Variants in GP9 observed in about 807,000 individuals in gnomAD.
The protein encoded by GP9 is glycoprotein IX platelet.
For synonymous variants in GP9, 116 were observed against 116.7 expected (o/e 0.99, Z 0.04); for missense variants, 228 against 241.8 (o/e 0.94, Z 0.38).
chr3:129,055,356 T>C, the GP9 span, among the ~76,000 whole-genome samples: 1 of 152,238 alleles, frequency 6.6e-6, no homozygotes, highest in Non-Finnish European at 1.5e-5. Context: ...TCGAATTTAA[T>C]TGAGAAACCA....
upstream of GP9, among the ~76,000 whole-genome samples, chr3:129,056,848 G>A (rs867677362): frequency 6.6e-6 from 1 of 152,202 alleles, no homozygotes; most frequent in East Asian, 1.9e-4. Flanking sequence ...TGGGGAGTGA[G>A]GGACATGGCT....
At chr3:129,055,494 G>A in the GP9 span, among the ~76,000 whole-genome samples, 1 of 152,200 alleles carries the variant, frequency 6.6e-6, no homozygotes, top group Admixed American at 6.5e-5. Flanking sequence ...GAGGCAGGTC[G>A]AAGTCCCATG....
chr3:129,055,925 G>T (rs1295953977), upstream of GP9, among the ~76,000 whole-genome samples: 1 of 152,108 alleles, frequency 6.6e-6, no homozygotes, highest in Admixed American at 6.5e-5. Flanking sequence ...GATTACAGGC[G>T]TGAGCCATCA....
Position 129,061,983 on chromosome 3 carries a change from G to A in GP9, c.244G>A (p.Val82Met). 1 of 1,613,852 alleles carries A rather than the reference G, an allele frequency of 6.2e-7. No individual in the cohort carries two copies. Among genetic ancestry groups the A allele is most frequent in the Middle Eastern group, 1.6e-4 (1 of 6,062 alleles). Reference protein sequence around the residue: ...DHLPQLQTLDVTQNPWHCDCS... With the variant: ...DHLPQLQTLDMTQNPWHCDCS... Reference sequence around the variant, plus strand: ...CCTGCCCCAGCTGCAGACCCTCGATGTGACGCAGAACCCCTGGCACTGTGA... The same window carrying A: ...CCTGCCCCAGCTGCAGACCCTCGATATGACGCAGAACCCCTGGCACTGTGA... The change falls in exon 3 of 3, where the codon GTG becomes ATG. Residue 82 changes from valine (V) to methionine (M), a missense_variant. Val to Met is a conservative substitution (Grantham distance 21, BLOSUM62 1). Coordinates refer to ENST00000307395, the MANE Select transcript of GP9 (RefSeq NM_000174.5).
In GP9 at chr3:129,062,202, G is replaced by C; in HGVS notation, c.463G>C (p.Val155Leu). Residue 155 changes from valine to leucine, a missense_variant, in exon 3 of 3, where the codon GTC becomes CTC. Transcript: ENST00000307395. The stretch of plus-strand genomic sequence containing the variant: ...GGGGGTCTTGTGGGACGTGGCGCTG[G>C]TCGCCGTGGCCGCGCTGGGCCTGGC... ...RPGVLWDVAL[V>L]AVAALGLALL... 1 of 1,568,792 alleles carries C rather than the reference G, an allele frequency of 6.4e-7. No homozygotes were observed. The highest frequency in any genetic ancestry group is 1.2e-5 in the South Asian group (1 of 86,468).
chr3:129,059,732 C>A (rs546069424), upstream of GP9, among the ~76,000 whole-genome samples: 18 of 152,148 alleles, frequency 1.2e-4, no homozygotes, highest in Non-Finnish European at 1.9e-4. Flanking sequence ...AGAGAACAGG[C>A]GGCCTCCCAA....
At chr3:129,056,768 C>T (rs1041106325), upstream of GP9, among the ~76,000 whole-genome samples, 1 of 152,092 alleles carries the variant, frequency 6.6e-6, no homozygotes, top group Non-Finnish European at 1.5e-5. Flanking sequence ...GCATGCCAGG[C>T]AAAATTCCAC....
upstream of GP9, among the ~76,000 whole-genome samples, chr3:129,055,780 G>T (rs773537399): frequency 6.6e-6 from 1 of 152,092 alleles, no homozygotes; most frequent in Non-Finnish European, 1.5e-5. Flanking sequence ...GAGTAGCTGG[G>T]ATTACAGGCG....
chr3:129,062,152 A>G lies in GP9; in HGVS notation c.413A>G (p.Gln138Arg), dbSNP rs1576798923. 6.3e-7 allele frequency: 1 copy of G among 1,584,794 alleles called. No homozygotes were observed. Among genetic ancestry groups the G allele is most frequent in the East Asian group, 2.3e-5 (1 of 43,420 alleles). The change falls in exon 3 of 3, where the codon CAG (glutamine) becomes CGG (arginine). Residue 138 changes from glutamine (Q) to arginine (R), a missense_variant. Coordinates refer to ENST00000307395, the MANE Select transcript of GP9 (RefSeq NM_000174.5). The part of the protein sequence containing the change: ...TGYQLGSCGW[Q>R]LQASWVRPGV... ...TACCAGCTGGGCAGCTGTGGCTGGC[A>G]GCTGCAGGCGTCCTGGGTGCGCCCG...
At chr3:129,057,438 G>T (rs1946530964), upstream of GP9, among the ~76,000 whole-genome samples, 1 of 152,180 alleles carries the variant, frequency 6.6e-6, no homozygotes, top group Non-Finnish European at 1.5e-5. Flanking sequence ...GAAAGTGCTG[G>T]AGTGTTTGAG....
At chr3:129,058,599 C>T (rs1946542026), upstream of GP9, among the ~76,000 whole-genome samples, 1 of 152,214 alleles carries the variant, frequency 6.6e-6, no homozygotes. Flanking sequence ...AATGCCATGG[C>T]AGCACGCCAT....
Position 129,062,059 on chromosome 3 carries a change from C to T in GP9, c.320C>T (p.Ala107Val). ...TGGCTGGAGGACCGCACGCCCGAGG[C>T]CCTGCTGCAGGTCCGCTGTGCCAGC... is the stretch of plus-strand genomic sequence containing the variant. ...RLWLEDRTPEALLQVRCASPS... is the reference protein window; with the variant it reads ...RLWLEDRTPEVLLQVRCASPS... The change falls in exon 3 of 3, where the codon GCC becomes GTC. Residue 107 changes from alanine to valine, a missense_variant. By Grantham distance (64) the Ala-to-Val change is moderately conservative. Coordinates refer to ENST00000307395, the MANE Select transcript of GP9 (RefSeq NM_000174.5). 1 of 1,612,330 alleles carries T rather than the reference C, an allele frequency of 6.2e-7. No individual in the cohort carries two copies.
chr3:129,058,025 G>A (rs1356478564), upstream of GP9, among the ~76,000 whole-genome samples: 1 of 152,000 alleles, frequency 6.6e-6, no homozygotes, highest in Non-Finnish European at 1.5e-5. Context: ...TAGAGATGGT[G>A]TTTCTCCATG....
Position 129,062,346 on chromosome 3 carries a change from C to T in GP9, c.*73C>T. ...AGGCAGGTCCCCAGACTCCACCAAG[C>T]CTGGTCAGCCCAAACCACCAGAAGC... On this transcript the variant is annotated 3_prime_UTR_variant, in exon 3 of 3. Transcript: ENST00000307395. The T allele has an allele frequency of 9.6e-7, 1 of 1,045,632 alleles. No individual in the cohort carries two copies. Among genetic ancestry groups the T allele is most frequent in the Non-Finnish European group, 1.4e-6 (1 of 717,172 alleles). The allele number at this position is 1,045,632 out of a possible 1,614,324, so 64.8% of individuals were successfully genotyped here.
chr3:129,060,032 C>T (rs1946558224), upstream of GP9, among the ~76,000 whole-genome samples: 1 of 152,174 alleles, frequency 6.6e-6, no homozygotes, highest in Non-Finnish European at 1.5e-5. Context: ...CGGCTCACTG[C>T]CACCTCTGCC....
At chr3:129,061,239 G>A (rs1011944160) in intron 1 of GP9, among the ~76,000 whole-genome samples, 2 of 152,162 alleles carry the variant, frequency 1.3e-5, no homozygotes, top group African/African-American at 4.8e-5. Flanking sequence ...TCCCCTCCCT[G>A]CTCCAGCCAG....
chr3:129,055,347 C>T, the GP9 span, among the ~76,000 whole-genome samples: 2 of 152,264 alleles, frequency 1.3e-5, no homozygotes, highest in South Asian at 2.1e-4. Flanking sequence ...TTTGTATGCT[C>T]GAATTTAATT....
chr3:129,056,439 G>A (rs1211076534), upstream of GP9, among the ~76,000 whole-genome samples: 1 of 152,214 alleles, frequency 6.6e-6, no homozygotes, highest in Non-Finnish European at 1.5e-5. Context: ...AGCCTCCAAA[G>A]TAAGTTTACC....
At chr3:129,057,920 G>A (rs1001618023), upstream of GP9, among the ~76,000 whole-genome samples, 3 of 144,838 alleles carry the variant, frequency 2.1e-5, no homozygotes, top group Non-Finnish European at 3.0e-5. Context: ...CACAGCCTCC[G>A]CTTCCTGGGT....
Sources: gnomAD v4.1 joint callset for allele counts (sites outside exome capture counted in the v4.1 genomes callset) on GRCh38, gnomAD v4.1.1 for gene constraint, MANE v1.5 for transcripts, NCBI Gene and HGNC (gene_info 2026-07-23, HGNC 2026-07-21) for gene names.